Variants in MED12L observed in about 807,000 individuals in gnomAD.
MED12L encodes mediator of RNA polymerase II transcription subunit 12-like protein.
Under a neutral mutation model 281.3 loss-of-function variants are expected in MED12L, and 60 were observed. The ratio of observed to expected loss-of-function variants is 0.21; its 90% confidence interval spans 0.17 to 0.26. The LOEUF is 0.26. MED12L is among the 10% of genes least tolerant of loss of function. MED12L has a pLI of 1.00. For synonymous variants in MED12L, 974 were observed against 987.2 expected (o/e 0.99, Z 0.25); for missense variants, 2,146 against 2,680.9 (o/e 0.80, Z 4.41).
Position 151,365,087 on chromosome 3 carries a change from A to G in MED12L, c.3066A>G (p.Ser1022=). ...TGATGGATTTTATTGAGAATCCCTC[A>G]GCCCGCAGCATCAACTACTCAATGC... ...DFMMDFIENP[S]ARSINYSMLG... The change falls in exon 22 of 45, where the codon TCA becomes TCG. Residue 1022 remains serine (S), a synonymous_variant. Transcript: ENST00000687756. The G allele has an allele frequency of 3.1e-6, 5 of 1,614,134 alleles. No individual in the cohort carries two copies. The highest frequency in any genetic ancestry group is 4.2e-6 in the Non-Finnish European group (5 of 1,179,970).
At chr3:151,425,996 T>C (rs1422842634) in intron 43 of MED12L, among the ~76,000 whole-genome samples, 2 of 152,170 alleles carry the variant, frequency 1.3e-5, no homozygotes, top group East Asian at 3.9e-4. Context: ...TGTATGGATA[T>C]GGGCCAAAAA....
chr3:151,103,080 T>A (rs532736686), intron 2 of MED12L, among the ~76,000 whole-genome samples: 1 of 152,362 alleles, frequency 6.6e-6, no homozygotes, highest in East Asian at 1.9e-4. Context: ...ATGCAAGAAC[T>A]ATATGGCATA....
At chr3:151,366,285 A>G (rs1174026443) in intron 23 of MED12L, among the ~76,000 whole-genome samples, 1 of 152,162 alleles carries the variant, frequency 6.6e-6, no homozygotes, top group Non-Finnish European at 1.5e-5. Flanking sequence ...TGGTCTCTTC[A>G]GAGCTGTTTT....
intron 16 of MED12L, among the ~76,000 whole-genome samples, chr3:151,348,652 A>G (rs985995628): frequency 8.6e-5 from 13 of 151,970 alleles, no homozygotes; most frequent in Non-Finnish European, 1.5e-4. Context: ...ATAGATTGGC[A>G]GGGCATATAA....
chr3:151,411,278 A>G lies in MED12L; in HGVS notation c.5911A>G (p.Thr1971Ala). 1 of 1,613,688 alleles carries G rather than the reference A, an allele frequency of 6.2e-7. No homozygotes were observed. The highest frequency in any genetic ancestry group is 8.5e-7 in the Non-Finnish European group (1 of 1,179,558). The change falls in exon 41 of 45, where the codon ACC becomes GCC. Residue 1971 changes from threonine to alanine, a missense_variant and splice_region_variant. Thr to Ala is a moderately conservative substitution (Grantham distance 58). Around this residue, in one of 9 missense-constraint regions of MED12L, gnomAD observed 496 missense variants for 512.0 expected, o/e 0.97. Coordinates refer to ENST00000687756, the MANE Select transcript of MED12L (RefSeq NM_001393769.1). ...CTTCTTCCCTTGTGCCTACCTGCAG[A>G]CCATGCCACAGGGCTATACAATGTA... ...PQYPGLQQAQTMPQGYTMYGT... is the reference protein window; with the variant it reads ...PQYPGLQQAQAMPQGYTMYGT...
At chr3:151,210,748 GA>G (rs1293903871) in intron 16 of MED12L, among the ~76,000 whole-genome samples, 1 of 152,188 alleles carries the variant, frequency 6.6e-6, no homozygotes, top group Non-Finnish European at 1.5e-5. Context: ...CCCAGCAATG[GA>G]AAAACTTTGT....
chr3:151,414,070 T>G (rs1717274792), intron 42 of MED12L, among the ~76,000 whole-genome samples: 1 of 152,166 alleles, frequency 6.6e-6, no homozygotes, highest in African/African-American at 2.4e-5. Context: ...CAGGCTGGTC[T>G]CAAACTCCTG....
chr3:151,198,432 C>A, intron 16 of MED12L: 1 of 1,596,156 alleles, frequency 6.3e-7, no homozygotes, highest in Non-Finnish European at 8.6e-7. Flanking sequence ...GTCTTTTATG[C>A]ATTATTTTCA....
chr3:151,174,686 A>G (rs1208374454), intron 11 of MED12L, among the ~76,000 whole-genome samples: 1 of 152,186 alleles, frequency 6.6e-6, no homozygotes, highest in African/African-American at 2.4e-5. Flanking sequence ...TTGGAAATGT[A>G]TATATGCAAA....
At chr3:151,117,261 G>A (rs1393227467) in intron 3 of MED12L, among the ~76,000 whole-genome samples, 1 of 151,910 alleles carries the variant, frequency 6.6e-6, no homozygotes, top group African/African-American at 2.4e-5. Context: ...TCTGCCAGTA[G>A]GGGCCCCGCT....
intron 16 of MED12L, among the ~76,000 whole-genome samples, chr3:151,321,789 T>G (rs1749028680): frequency 3.9e-5 from 6 of 152,180 alleles, no homozygotes; most frequent in Admixed American, 3.9e-4. Context: ...CTCTTTCATA[T>G]TATCTTGCCT....
chr3:151,209,636 T>A (rs1726856915), intron 16 of MED12L, among the ~76,000 whole-genome samples: 1 of 152,170 alleles, frequency 6.6e-6, no homozygotes, highest in Non-Finnish European at 1.5e-5. Context: ...GAGTGATCTG[T>A]TATATTTGTA....
Position 151,360,464 on chromosome 3 carries a change from T to G in MED12L, c.2826-10T>G. 4 of 1,609,770 alleles carry G rather than the reference T, an allele frequency of 2.5e-6. No homozygotes were observed. The highest frequency in any genetic ancestry group is 3.4e-6 in the Non-Finnish European group (4 of 1,177,870). ...CTATGTCTTATTTCTTCGTATATTT[T>G]TCTCCTCAGGTTGTGTGGTGTGGTC... On this transcript the variant is annotated splice_polypyrimidine_tract_variant and intron_variant, in intron 20 of 44. Transcript: ENST00000687756.
At position 151,380,858 on chromosome 3, in the gene MED12L, T is replaced by C. The variant is rs143182783; in HGVS notation, c.4590+634T>C. Among the ~76,000 whole-genome samples, 344 of 152,312 alleles carry C rather than the reference T, an allele frequency of 2.3e-3. 2 individuals carry two copies. The highest frequency in any genetic ancestry group is 5.8e-3 in the Admixed American group (88 of 15,290). ...GGAGCAATCTATGCTGCAGTAGGCA[T>C]GGCAGTGAGTCCAGCTCCTCAAGCT... On this transcript the variant is annotated intron_variant, in intron 32 of 44. Coordinates refer to ENST00000687756, the MANE Select transcript of MED12L (RefSeq NM_001393769.1).
intron 13 of MED12L, 82 bp downstream of exon 13, chr3:151,188,562 A>G: frequency 7.4e-7 from 1 of 1,357,776 alleles, no homozygotes; most frequent in East Asian, 2.3e-5. Context: ...AAAAATTTAG[A>G]TCTTATTTAA....
At chr3:151,135,592 G>T (rs1174007999) in intron 5 of MED12L, among the ~76,000 whole-genome samples, 1 of 152,190 alleles carries the variant, frequency 6.6e-6, no homozygotes, top group Non-Finnish European at 1.5e-5. Context: ...GATGGAGTTG[G>T]ATCCCTGCCC....
At chr3:151,184,802 T>C (rs573429865) in intron 11 of MED12L, among the ~76,000 whole-genome samples, 7 of 152,210 alleles carry the variant, frequency 4.6e-5, no homozygotes, top group Admixed American at 1.3e-4. Context: ...GTTATTTCCA[T>C]TGGGACGGGT....
intron 21 of MED12L, among the ~76,000 whole-genome samples, chr3:151,362,931 CT>C (rs1018208597): frequency 1.2e-4 from 18 of 152,230 alleles, no homozygotes; most frequent in African/African-American, 4.3e-4. Flanking sequence ...TCCATTTCAG[CT>C]TACATTTTTC....
At chr3:151,199,373 GAACT>G in intron 16 of MED12L, 1 of 1,607,820 alleles carries the variant, frequency 6.2e-7, no homozygotes, top group Non-Finnish European at 8.5e-7. Flanking sequence ...GCAGAAGAAC[GAACT>G]GTTTGTCATC....
Sources: gnomAD v4.1 joint callset for allele counts (sites outside exome capture counted in the v4.1 genomes callset) on GRCh38, gnomAD v4.1.1 for gene constraint, gnomAD v4.1.1 regional missense constraint, MANE v1.5 for transcripts, NCBI Gene and HGNC (gene_info 2026-07-23, HGNC 2026-07-21) for gene names.